Variants in SLC35G2 observed in about 807,000 individuals in gnomAD.
SLC35G2 encodes solute carrier family 35 member G2.
In SLC35G2, 20 loss-of-function variants were observed where a neutral mutation model predicts 27.2. That is an observed-to-expected ratio of 0.74 (90% CI 0.52 to 1.07). The LOEUF (loss-of-function observed/expected upper bound fraction) is 1.07, where lower values mean the gene tolerates loss of function less well. SLC35G2 is among the 50% of genes least tolerant of loss of function. The probability of loss-of-function intolerance (pLI) is 0.00; values close to 1 mark genes in which losing one functional copy is unlikely to be tolerated. For missense variants in SLC35G2, 416 were observed against 493.3 expected (o/e 0.84, Z 1.48); for synonymous variants, 148 against 165.3 (o/e 0.90, Z 0.80).
intron 1 of SLC35G2, among the ~76,000 whole-genome samples, chr3:136,821,744 C>T (rs1936461806): frequency 6.6e-6 from 1 of 152,150 alleles, no homozygotes; most frequent in Non-Finnish European, 1.5e-5. Context: ...GCCTTCTTAA[C>T]AAAATTTTAC....
At chr3:136,821,424 A>G (rs1167845884) in intron 1 of SLC35G2, among the ~76,000 whole-genome samples, 2 of 152,144 alleles carry the variant, frequency 1.3e-5, no homozygotes, top group Non-Finnish European at 2.9e-5. Flanking sequence ...AAGAATATGT[A>G]ACATGAGATC....
chr3:136,824,101 C>T (rs1348240784), intron 1 of SLC35G2, among the ~76,000 whole-genome samples: 1 of 152,072 alleles, frequency 6.6e-6, no homozygotes, highest in African/African-American at 2.4e-5. Context: ...TATGCCAGTA[C>T]CATGCTGTTT....
chr3:136,834,179 CATT>C (rs1378428106), intron 1 of SLC35G2, among the ~76,000 whole-genome samples: 2 of 151,962 alleles, frequency 1.3e-5, no homozygotes, highest in Non-Finnish European at 2.9e-5. Flanking sequence ...GTGTATAAAA[CATT>C]ATATGAACAG....
intron 1 of SLC35G2, among the ~76,000 whole-genome samples, chr3:136,850,519 T>C (rs1321286226): frequency 1.3e-5 from 2 of 152,184 alleles, no homozygotes; most frequent in Non-Finnish European, 2.9e-5. Flanking sequence ...TTTTAAAAAA[T>C]GTATAAGCCA....
chr3:136,839,906 A>G (rs1937015808), intron 1 of SLC35G2, among the ~76,000 whole-genome samples: 1 of 151,998 alleles, frequency 6.6e-6, no homozygotes, highest in African/African-American at 2.4e-5. Flanking sequence ...CCTCATCTCC[A>G]AGTCCCTTAG....
At chr3:136,826,296 C>T (rs1674695231) in intron 1 of SLC35G2, among the ~76,000 whole-genome samples, 1 of 151,410 alleles carries the variant, frequency 6.6e-6, no homozygotes, top group Non-Finnish European at 1.5e-5. Context: ...CTCGGCCTCC[C>T]AAAGTGCTGG....
In SLC35G2 at chr3:136,854,605, A is replaced by G. The variant is rs746917022; in HGVS notation, c.145A>G (p.Met49Val). ...AATCAATGAAGGCTATGGAAATTTT[A>G]TGGAGGAAAATCCAAAGAAAGGTCT... Reference protein sequence around the residue: ...EEINEGYGNFMEENPKKGLLS... With the variant: ...EEINEGYGNFVEENPKKGLLS... The change falls in exon 2 of 2, where the codon ATG becomes GTG. Residue 49 changes from methionine (M) to valine (V), a missense_variant. Met to Val is a conservative substitution (Grantham distance 21). Transcript: ENST00000446465. 1 of 1,612,826 alleles carries G rather than the reference A, an allele frequency of 6.2e-7. No homozygotes were observed. The highest frequency in any genetic ancestry group is 1.7e-5 in the Admixed American group (1 of 59,746).
At position 136,855,569 on chromosome 3, in the gene SLC35G2, C is replaced by A; in HGVS notation, c.1109C>A (p.Pro370His). Reference sequence around the variant, plus strand: ...CAGCTTCTCGTGCTGCACATATTTCCTAGCATCTATGATGTTTTTGGAGGG... The same window carrying A: ...CAGCTTCTCGTGCTGCACATATTTCATAGCATCTATGATGTTTTTGGAGGG... ...VLQLLVLHIF[P>H]SIYDVFGGVI... Residue 370 changes from proline (P) to histidine (H), a missense_variant, in exon 2 of 2, where the codon CCT (proline) becomes CAT (histidine). Transcript: ENST00000446465. The A allele has an allele frequency of 6.2e-7, 1 of 1,614,084 alleles. No individual in the cohort carries two copies. Among genetic ancestry groups the A allele is most frequent in the Non-Finnish European group, 8.5e-7 (1 of 1,179,990 alleles).
At chr3:136,845,094 G>A (rs969248804) in intron 1 of SLC35G2, among the ~76,000 whole-genome samples, 2 of 151,960 alleles carry the variant, frequency 1.3e-5, no homozygotes, top group African/African-American at 4.8e-5. Context: ...GTAAAATGGG[G>A]AAGTTATAAA....
intron 1 of SLC35G2, among the ~76,000 whole-genome samples, chr3:136,853,517 C>G (rs1474607035): frequency 6.6e-6 from 1 of 152,028 alleles, no homozygotes; most frequent in Non-Finnish European, 1.5e-5. Flanking sequence ...TATTCTTTTT[C>G]TTAAGTAACA....
intron 1 of SLC35G2, among the ~76,000 whole-genome samples, chr3:136,820,945 G>A (rs2107992189): frequency 6.6e-6 from 1 of 151,336 alleles, no homozygotes; most frequent in South Asian, 2.1e-4. Flanking sequence ...ATGAATTAAT[G>A]TAAATTTTAA....
chr3:136,840,923 CTT>C (rs71626030), intron 1 of SLC35G2, among the ~76,000 whole-genome samples: 232 of 121,506 alleles, frequency 1.9e-3, no homozygotes, highest in African/African-American at 6.2e-3. Flanking sequence ...GTGCCTGGCC[CTT>C]TTTTTTTTTT....
At chr3:136,848,992 C>A (rs1306570756) in intron 1 of SLC35G2, among the ~76,000 whole-genome samples, 1 of 152,076 alleles carries the variant, frequency 6.6e-6, no homozygotes, top group Non-Finnish European at 1.5e-5. Context: ...CCAGCCTGAC[C>A]AGCATGGAGA....
At chr3:136,832,082 C>T (rs1486772316) in intron 1 of SLC35G2, among the ~76,000 whole-genome samples, 4 of 151,582 alleles carry the variant, frequency 2.6e-5, no homozygotes, top group Non-Finnish European at 5.9e-5. Flanking sequence ...GGCACGATCT[C>T]GGCTCACTGC....
intron 1 of SLC35G2, among the ~76,000 whole-genome samples, chr3:136,833,568 GT>G (rs1337472246): frequency 3.3e-5 from 5 of 152,136 alleles, no homozygotes; most frequent in Admixed American, 2.0e-4. Context: ...GAATGAAGCG[GT>G]TCCACTTCAG....
At chr3:136,820,189 C>G (rs1936413367) in intron 1 of SLC35G2, 1 of 152,180 alleles carries the variant, frequency 6.6e-6, no homozygotes, top group Non-Finnish European at 1.5e-5. Flanking sequence ...CCCCCCACGT[C>G]CAGAGTGCTG....
chr3:136,834,334 ATTAT>A (rs745633069), intron 1 of SLC35G2, among the ~76,000 whole-genome samples: 2 of 152,090 alleles, frequency 1.3e-5, no homozygotes, highest in South Asian at 2.1e-4. Context: ...TTGTGTGTTT[ATTAT>A]TTATTTATTT....
At chr3:136,830,371 C>T (rs575047317) in intron 1 of SLC35G2, among the ~76,000 whole-genome samples, 5 of 152,236 alleles carry the variant, frequency 3.3e-5, no homozygotes, top group African/African-American at 1.2e-4. Flanking sequence ...CAAGCTCCGC[C>T]TCCCAGGTTC....
chr3:136,821,517 G>A (rs979988854), intron 1 of SLC35G2, among the ~76,000 whole-genome samples: 8 of 152,112 alleles, frequency 5.3e-5, no homozygotes, highest in African/African-American at 1.9e-4. Flanking sequence ...CGTGCTCTCC[G>A]CTCACTGCAA....
Sources: gnomAD v4.1 joint callset for allele counts (sites outside exome capture counted in the v4.1 genomes callset) on GRCh38, gnomAD v4.1.1 for gene constraint, MANE v1.5 for transcripts, NCBI Gene and HGNC (gene_info 2026-07-23, HGNC 2026-07-21) for gene names.